The following FMO4 variants were observed in gnomAD, a reference collection of about 807,000 sequenced individuals.
FMO4 encodes the protein dimethylaniline monooxygenase [N-oxide-forming] 4.
FMO4 carries 38 observed loss-of-function variants against 43.3 expected under a neutral mutation model. The ratio of observed to expected loss-of-function variants is 0.88; its 90% confidence interval spans 0.68 to 1.15. The LOEUF (loss-of-function observed/expected upper bound fraction) is 1.15, where lower values mean the gene tolerates loss of function less well. Ranked by LOEUF, FMO4 falls within the 50% of genes most tolerant of loss-of-function variation. The probability of loss-of-function intolerance (pLI) is 0.00; values close to 1 mark genes in which losing one functional copy is unlikely to be tolerated. For missense variants in FMO4, 631 were observed against 663.3 expected (o/e 0.95, Z 0.54); for synonymous variants, 224 against 232.2 (o/e 0.96, Z 0.32).
chr1:171,332,199 A>G (rs1662928680), intron 6 of FMO4, among the ~76,000 whole-genome samples: 1 of 152,242 alleles, frequency 6.6e-6, no homozygotes, highest in Admixed American at 6.5e-5. Flanking sequence ...TCTCTACTAA[A>G]GGTGATATCT....
Position 171,323,122 on chromosome 1 carries a change from A to G in FMO4, c.251A>G (p.His84Arg), listed in dbSNP as rs779621214. Residue 84 changes from histidine (H) to arginine (R), a missense_variant, in exon 4 of 10, where the codon CAT (histidine) becomes CGT (arginine). Coordinates refer to ENST00000367749, the MANE Select transcript of FMO4 (RefSeq NM_002022.3). ...FHEDYPNFMN[H>R]EKFWDYLQEF... ...GAAGATTATCCTAATTTCATGAACC[A>G]TGAAAAATTTTGGGACTATCTCCAA... is the stretch of plus-strand genomic sequence containing the variant. The G allele has an allele frequency of 1.9e-6, 3 of 1,613,590 alleles. No individual in the cohort carries two copies. Among genetic ancestry groups the G allele is most frequent in the African/African-American group, 1.3e-5 (1 of 75,058 alleles).
At chr1:171,325,156 G>A (rs917406931) in intron 5 of FMO4, among the ~76,000 whole-genome samples, 32 of 151,990 alleles carry the variant, frequency 2.1e-4, no homozygotes, top group Non-Finnish European at 8.8e-5. Context: ...TCTTAAACCA[G>A]GGCTATCCAT....
chr1:171,331,817 T>C (rs1216713317), intron 6 of FMO4, 35 bp downstream of exon 6: 3 of 1,599,874 alleles, frequency 1.9e-6, no homozygotes, highest in Non-Finnish European at 2.6e-6. Flanking sequence ...CCTAATCCCA[T>C]CATCAGTTAT....
chr1:171,315,291 CAAAT>C (rs753975472), intron 1 of FMO4, among the ~76,000 whole-genome samples: 5 of 152,210 alleles, frequency 3.3e-5, no homozygotes, highest in Admixed American at 2.6e-4. Flanking sequence ...GACTCCAACT[CAAAT>C]AAATAAATAA....
At chr1:171,330,226 A>T (rs1558039900) in intron 5 of FMO4, among the ~76,000 whole-genome samples, 2 of 152,206 alleles carry the variant, frequency 1.3e-5, no homozygotes, top group Non-Finnish European at 2.9e-5. Flanking sequence ...TAGTCCTCAA[A>T]ACTGCTGGGC....
At position 171,319,881 on chromosome 1, in the gene FMO4, A is replaced by T; in HGVS notation, c.56A>T (p.Lys19Ile). 1 of 1,613,848 alleles carries T rather than the reference A, an allele frequency of 6.2e-7. No homozygotes were observed. The highest frequency in any genetic ancestry group is 8.5e-7 in the Non-Finnish European group (1 of 1,179,790). The stretch of plus-strand genomic sequence containing the variant: ...GGTGTGAGTGGCCTCTCCTCCATCA[A>T]ATGCTGTGTGGATGAGGACCTGGAG... ...GAGVSGLSSI[K>I]CCVDEDLEPT... is the part of the protein sequence containing the mutation. Residue 19 changes from lysine (K) to isoleucine (I), a missense_variant, in exon 3 of 10, where the codon AAA becomes ATA. Lys to Ile is a moderately radical substitution (Grantham distance 102). Transcript: ENST00000367749.
intron 4 of FMO4, among the ~76,000 whole-genome samples, chr1:171,323,537 A>G (rs1446705818): frequency 6.6e-6 from 1 of 152,074 alleles, no homozygotes; most frequent in African/African-American, 2.4e-5. Context: ...GGTGGTGCAC[A>G]CCTGTGATTC....
In FMO4 at chr1:171,341,576, C is replaced by G; in HGVS notation, c.1414C>G (p.Arg472Gly). 1 of 1,614,016 alleles carries G rather than the reference C, an allele frequency of 6.2e-7. No individual in the cohort carries two copies. The highest frequency in any genetic ancestry group is 1.1e-5 in the South Asian group (1 of 91,086). ...TGGACCATGTACTCCTTATCAGTAC[C>G]GCCTCATGGGCCCTGGAAAATGGGA... is the stretch of plus-strand genomic sequence containing the variant. ...FFGPCTPYQY[R>G]LMGPGKWDGA... Residue 472 changes from arginine (R) to glycine (G), a missense_variant, in exon 10 of 10, where the codon CGC (arginine) becomes GGC (glycine). By Grantham distance (125) the Arg-to-Gly change is moderately radical (BLOSUM62 -2). Transcript: ENST00000367749.
chr1:171,324,019 A>T, intron 4 of FMO4, 119 bp from the exon 5 acceptor site: 2 of 847,578 alleles, frequency 2.4e-6, no homozygotes, highest in Non-Finnish European at 3.5e-6. Flanking sequence ...AATCAATATT[A>T]ATAGACCTCC....
At position 171,319,857 on chromosome 1, in the gene FMO4, G is replaced by A. The variant is rs770560362; in HGVS notation, c.32G>A (p.Gly11Asp). The change falls in exon 3 of 10, where the codon GGT (glycine) becomes GAT (aspartate). Residue 11 changes from glycine to aspartate, a missense_variant. Transcript: ENST00000367749. Reference sequence around the variant, plus strand: ...AAGAAAGTTGCAGTGATTGGAGCTGGTGTGAGTGGCCTCTCCTCCATCAAA... The same window carrying A: ...AAGAAAGTTGCAGTGATTGGAGCTGATGTGAGTGGCCTCTCCTCCATCAAA... The part of the protein sequence containing the change: MAKKVAVIGA[G>D]VSGLSSIKCC... 1 of 1,613,918 alleles carries A rather than the reference G, an allele frequency of 6.2e-7. No homozygotes were observed. The highest frequency in any genetic ancestry group is 1.1e-5 in the South Asian group (1 of 91,082).
intron 8 of FMO4, among the ~76,000 whole-genome samples, chr1:171,335,045 CCTAGT>C (rs1273535916): frequency 6.6e-6 from 1 of 152,098 alleles, no homozygotes; most frequent in Non-Finnish European, 1.5e-5. Flanking sequence ...CCTGTTCTAG[CCTAGT>C]CTAATCTATC....
intron 9 of FMO4, among the ~76,000 whole-genome samples, chr1:171,337,831 C>T (rs1450449106): frequency 6.6e-6 from 1 of 152,142 alleles, no homozygotes; most frequent in Non-Finnish European, 1.5e-5. Flanking sequence ...CCTATTTACA[C>T]CCACTCCCAG....
intron 7 of FMO4, among the ~76,000 whole-genome samples, chr1:171,334,184 A>G (rs2101901190): frequency 6.6e-6 from 1 of 152,326 alleles, no homozygotes; most frequent in South Asian, 2.1e-4. Context: ...TTAAACCCCA[A>G]GCAAGAAAGA....
Position 171,334,778 on chromosome 1 carries a change from C to G in FMO4, c.1180+15C>G. ...AGTATTCAAAGGTACCATGACTCTA[C>G]TGAAAGTCCTCTCTTTGGATCGTAA... On this transcript the variant is annotated intron_variant, in intron 8 of 9. Coordinates refer to ENST00000367749, the MANE Select transcript of FMO4 (RefSeq NM_002022.3). The G allele has an allele frequency of 1.4e-6, 2 of 1,440,910 alleles. No homozygotes were observed. The highest frequency in any genetic ancestry group is 1.9e-6 in the Non-Finnish European group (2 of 1,064,832). 89.3% of individuals were successfully genotyped at this position (1,440,910 alleles called of 1,614,324 possible). A position where few individuals can be genotyped will look rare whatever the true frequency, so the allele number is the denominator to read the frequency against.
At position 171,332,779 on chromosome 1, in the gene FMO4, T is replaced by C; in HGVS notation, c.698T>C (p.Met233Thr). The change falls in exon 7 of 10, where the codon ATG (methionine) becomes ACG (threonine). Residue 233 changes from methionine (M) to threonine (T), a missense_variant. By Grantham distance (81) the Met-to-Thr change is moderately conservative. Coordinates refer to ENST00000367749, the MANE Select transcript of FMO4 (RefSeq NM_002022.3). ...RSSDWGYPYN[M>T]MVTRRCCSFI... ...TCAGATTGGGGCTATCCTTATAATA[T>C]GATGGTTACAAGAAGATGCTGTAGT... The C allele has an allele frequency of 1.2e-6, 2 of 1,612,836 alleles. No homozygotes were observed. Among genetic ancestry groups the C allele is most frequent in the Non-Finnish European group, 1.7e-6 (2 of 1,178,910 alleles).
chr1:171,331,125 T>C (rs968941635), intron 5 of FMO4, among the ~76,000 whole-genome samples: 1 of 152,232 alleles, frequency 6.6e-6, no homozygotes, highest in African/African-American at 2.4e-5. Context: ...CACATTCTGA[T>C]AGAATATATC....
chr1:171,317,049 G>A (rs932303285), intron 2 of FMO4, among the ~76,000 whole-genome samples: 3 of 152,164 alleles, frequency 2.0e-5, no homozygotes, highest in Non-Finnish European at 2.9e-5. Flanking sequence ...GCTTAGTGAC[G>A]GGAACCACAG....
At chr1:171,331,514 A>G in intron 5 of FMO4, 126 bp from the exon 6 acceptor site, 1 of 819,392 alleles carries the variant, frequency 1.2e-6, no homozygotes, top group Non-Finnish European at 1.9e-6. Flanking sequence ...ACTTCCTGCC[A>G]CAAGCAGCAT....
intron 9 of FMO4, among the ~76,000 whole-genome samples, chr1:171,338,536 T>TCAAAAATAC (rs1212867888): frequency 4.6e-5 from 7 of 152,182 alleles, no homozygotes; most frequent in African/African-American, 1.7e-4. Flanking sequence ...TACCTGTTCC[T>TCAAAAATAC]CAAACATACC....
Sources: allele counts gnomAD v4.1 joint callset (sites outside exome capture counted in the v4.1 genomes callset), GRCh38; gene constraint gnomAD v4.1.1; transcripts MANE v1.5; gene names NCBI Gene and HGNC (gene_info 2026-07-23, HGNC 2026-07-21).